VPS13D: variants seen among roughly 807,000 people sequenced by gnomAD.
VPS13D encodes the protein intermembrane lipid transfer protein VPS13D.
VPS13D carries 187 observed loss-of-function variants against 461.9 expected under a neutral mutation model. That is an observed-to-expected ratio of 0.40 (90% CI 0.36 to 0.46). VPS13D has a LOEUF of 0.46. Ranked by LOEUF, VPS13D falls within the 20% of genes least tolerant of loss-of-function variation. VPS13D has a pLI of 0.60. For synonymous variants in VPS13D, 1,951 were observed against 1,986.3 expected (o/e 0.98, Z 0.47); for missense variants, 4,711 against 5,364.9 (o/e 0.88, Z 3.81).
chr1:12,509,124 G>T lies in VPS13D; in HGVS notation c.*100G>T. On this transcript the variant is annotated 3_prime_UTR_variant, in exon 70 of 70. Coordinates refer to ENST00000620676, the MANE Select transcript of VPS13D (RefSeq NM_015378.4). ...ACGATGGAGGCAGAACCGGAGTCGG[G>T]TTTGGGGAAGTTGTCAAGGAATGAG... The T allele has an allele frequency of 1.4e-6, 2 of 1,408,436 alleles. No homozygotes were observed. The highest frequency in any genetic ancestry group is 1.9e-6 in the Non-Finnish European group (2 of 1,061,098). 87.2% of individuals were successfully genotyped at this position (1,408,436 alleles called of 1,614,324 possible).
At chr1:12,271,905 A>AG (rs1396046188) in intron 17 of VPS13D, among the ~76,000 whole-genome samples, 1 of 152,148 alleles carries the variant, frequency 6.6e-6, no homozygotes, top group Non-Finnish European at 1.5e-5. Context: ...ACAGTCCAGT[A>AG]GGTAGGCTGG....
chr1:12,368,326 G>A (rs1644068011), intron 52 of VPS13D, 142 bp from the exon 53 acceptor site: 6 of 954,258 alleles, frequency 6.3e-6, no homozygotes, highest in Admixed American at 2.9e-5. Flanking sequence ...TCAGATGATG[G>A]AGGAACACAC....
At chr1:12,425,420 G>A (rs1477665592) in intron 65 of VPS13D, among the ~76,000 whole-genome samples, 3 of 152,056 alleles carry the variant, frequency 2.0e-5, no homozygotes, top group South Asian at 2.1e-4. Flanking sequence ...TTAGCTAAGC[G>A]TGGTGGTGCA....
At chr1:12,470,738 A>G (rs1645552385) in intron 67 of VPS13D, among the ~76,000 whole-genome samples, 1 of 152,184 alleles carries the variant, frequency 6.6e-6, no homozygotes, top group South Asian at 2.1e-4. Context: ...AAGTTTCCCT[A>G]TAGTTTTCTT....
chr1:12,289,985 G>A (rs1048178091), intron 22 of VPS13D, among the ~76,000 whole-genome samples: 3 of 152,078 alleles, frequency 2.0e-5, no homozygotes, highest in African/African-American at 7.2e-5. Context: ...AGCTGAACTA[G>A]CATGCCAAAT....
At chr1:12,459,585 T>C (rs1645380195) in intron 66 of VPS13D, among the ~76,000 whole-genome samples, 1 of 151,780 alleles carries the variant, frequency 6.6e-6, no homozygotes, top group Admixed American at 6.6e-5. Context: ...TTCAAGCAAT[T>C]CTCCTGCCTT....
intron 7 of VPS13D, among the ~76,000 whole-genome samples, chr1:12,254,929 A>G (rs919065077): frequency 1.3e-5 from 2 of 150,772 alleles, no homozygotes; most frequent in Middle Eastern, 7.0e-3. Context: ...CTTGGATACT[A>G]TTGTACATGA....
At position 12,383,720 on chromosome 1, in the gene VPS13D, G is replaced by A. The variant is rs562652292; in HGVS notation, c.11370+565G>A. On this transcript the variant is annotated intron_variant, in intron 58 of 69. Coordinates refer to ENST00000620676, the MANE Select transcript of VPS13D (RefSeq NM_015378.4). ...GCATGTTCATCAACAGGTATTTACT[G>A]AGCAGCTACTTGAGCCAGCACAGGT... Among the ~76,000 whole-genome samples, 48 of 152,336 alleles carry A rather than the reference G, an allele frequency of 3.2e-4. 1 individual carries two copies. In the South Asian group the frequency reaches 6.8e-3, roughly 22 times the overall value.
chr1:12,374,792 C>CA (rs1398937321), intron 55 of VPS13D, among the ~76,000 whole-genome samples: 1 of 152,154 alleles, frequency 6.6e-6, no homozygotes, highest in African/African-American at 2.4e-5. Flanking sequence ...GGCTGGAGTG[C>CA]AATGGCATGA....
At position 12,276,025 on chromosome 1, in the gene VPS13D, A is replaced by T. The variant is rs1255414735; in HGVS notation, c.2437A>T (p.Met813Leu). Residue 813 changes from methionine to leucine, a missense_variant, in exon 19 of 70, where the codon ATG (methionine) becomes TTG (leucine). Met to Leu is a conservative substitution (Grantham distance 15, BLOSUM62 2). Around this residue, in one of 3 missense-constraint regions of VPS13D, gnomAD observed 4,411 missense variants for 4,937.8 expected, o/e 0.89. Transcript: ENST00000620676. The surrounding 1 kb of genome is among the most constrained non-coding windows in gnomAD (Gnocchi z 4.5). ...TCAAGCACATTTAATGAGCACAAAG[A>T]TGTATGAGAGGTACTCGCTGTCATT... ...QLQAHLMSTK[M>L]YERYSLSFMD... 9 of 1,614,000 alleles carry T rather than the reference A, an allele frequency of 5.6e-6. No homozygotes were observed. The highest frequency in any genetic ancestry group is 1.6e-4 in the Middle Eastern group (1 of 6,084).
At position 12,502,140 on chromosome 1, in the gene VPS13D, C is replaced by T. The variant is rs956637641; in HGVS notation, c.12794+4509C>T. On this transcript the variant is annotated intron_variant, in intron 68 of 69. Coordinates refer to ENST00000620676, the MANE Select transcript of VPS13D (RefSeq NM_015378.4). The surrounding 1 kb of genome is among the most constrained non-coding windows in gnomAD (Gnocchi z 4.3). ...GAGGAAGAGGATCCCACTCAAAATT[C>T]GTCATGAAAAATAAAACCTTGACAG... 1.1e-4 allele frequency among the ~76,000 whole-genome samples: 17 copies of T among 152,082 alleles called. No homozygotes were observed. Among genetic ancestry groups the T allele is most frequent in the Admixed American group, 3.3e-4 (5 of 15,274 alleles).
At chr1:12,268,155 GT>G (rs1168829457) in intron 15 of VPS13D, among the ~76,000 whole-genome samples, 1 of 150,350 alleles carries the variant, frequency 6.7e-6, no homozygotes, top group Non-Finnish European at 1.5e-5. Flanking sequence ...TTGCTTTGTT[GT>G]CCAGGCTGGT....
intron 65 of VPS13D, among the ~76,000 whole-genome samples, chr1:12,430,279 A>G (rs1644975541): frequency 6.6e-6 from 1 of 152,218 alleles, no homozygotes; most frequent in Non-Finnish European, 1.5e-5. Flanking sequence ...CTTATGCATT[A>G]AAGAGTCAAG....
rs562379062 is a variant in VPS13D at position 12,394,119 on chromosome 1, C to T, written c.11635-6062C>T. On this transcript the variant is annotated intron_variant, in intron 60 of 69. Coordinates refer to ENST00000620676, the MANE Select transcript of VPS13D (RefSeq NM_015378.4). ...GAGAAAGATTCACTGCGTAAATTGT[C>T]GGCAATGTAGTGGGGTCCTTCCTCA... Among the ~76,000 whole-genome samples, 42 of 152,234 alleles carry T rather than the reference C, an allele frequency of 2.8e-4. 1 individual carries two copies. The Middle Eastern group carries it at 0.01, about 37-fold the overall frequency.
chr1:12,479,142 G>GGAGT (rs1291288604), intron 67 of VPS13D, among the ~76,000 whole-genome samples: 2 of 152,252 alleles, frequency 1.3e-5, no homozygotes, highest in Admixed American at 1.3e-4. Flanking sequence ...AGCAAGGCCT[G>GGAGT]GAGTGGCCTG....
chr1:12,434,959 A>T (rs1645040360), intron 65 of VPS13D, among the ~76,000 whole-genome samples: 1 of 152,240 alleles, frequency 6.6e-6, no homozygotes, highest in Non-Finnish European at 1.5e-5. Context: ...ATCTTTTGTC[A>T]AAGTTGACCA....
rs561771344 is a variant in VPS13D, at chr1:12,390,014, G to T, written c.11634+3680G>T. On this transcript the variant is annotated intron_variant, in intron 60 of 69. Coordinates refer to ENST00000620676, the MANE Select transcript of VPS13D (RefSeq NM_015378.4). ...TCCCTTCTTAGCCTCTTGACCTAAA[G>T]TTAGGCGGAGCCCAAAGTGTCCAGG... Among the ~76,000 whole-genome samples, 26 of 152,356 alleles carry T rather than the reference G, an allele frequency of 1.7e-4. No homozygotes were observed. The South Asian group carries it at 5.4e-3, about 32-fold the overall frequency.
chr1:12,451,988 G>T (rs900733873), intron 65 of VPS13D, among the ~76,000 whole-genome samples: 3 of 152,158 alleles, frequency 2.0e-5, no homozygotes, highest in Non-Finnish European at 2.9e-5. Flanking sequence ...ACAGAGGCCC[G>T]CAAAGGTTAC....
At chr1:12,245,286 A>T (rs1640512593) in intron 5 of VPS13D, among the ~76,000 whole-genome samples, 1 of 152,242 alleles carries the variant, frequency 6.6e-6, no homozygotes, top group African/African-American at 2.4e-5. Flanking sequence ...TTGCAGTGCC[A>T]ATGTGACAGA....
Sources: gnomAD v4.1 joint callset for allele counts (sites outside exome capture counted in the v4.1 genomes callset) on GRCh38, gnomAD v4.1.1 for gene constraint, gnomAD v4.1.1 regional missense constraint, Gnocchi (gnomAD v3.1) non-coding constraint, MANE v1.5 for transcripts, NCBI Gene and HGNC (gene_info 2026-07-23, HGNC 2026-07-21) for gene names.